The following TMEM131 variants were observed in gnomAD, a reference collection of about 807,000 sequenced individuals.
The protein encoded by TMEM131 is transmembrane protein 131, also known as 2610524E03Rik.
Under a neutral mutation model 211.6 loss-of-function variants are expected in TMEM131, and 66 were observed. That is an observed-to-expected ratio of 0.31 (90% CI 0.26 to 0.38). TMEM131 has a LOEUF of 0.38. Ranked by LOEUF, TMEM131 falls within the 10% of genes least tolerant of loss-of-function variation. The pLI, the probability that TMEM131 is intolerant of heterozygous loss-of-function variation, is 1.00. For missense variants in TMEM131, 2,036 were observed against 2,299.3 expected, an observed-to-expected ratio of 0.89 and a Z score of 2.34; for synonymous variants, 844 against 841.3, an observed-to-expected ratio of 1.00 and a Z score of -0.06.
chr2:97,849,717 C>CTTTTTTTTTTTTTT (rs11320615), intron 5 of TMEM131, among the ~76,000 whole-genome samples: 4 of 103,824 alleles, frequency 3.9e-5, no homozygotes, highest in Admixed American at 1.1e-4. Flanking sequence ...CTCTCTCTCT[C>CTTTTTTTTTTTTTT]TTTTTTTTTT....
chr2:97,841,249 C>T (rs1462825696), intron 7 of TMEM131, among the ~76,000 whole-genome samples: 1 of 152,156 alleles, frequency 6.6e-6, no homozygotes, highest in Non-Finnish European at 1.5e-5. Flanking sequence ...GCCACTTCCA[C>T]TGTGAAAGAG....
At chr2:97,943,757 T>C (rs1209546543) in intron 1 of TMEM131, among the ~76,000 whole-genome samples, 1 of 152,166 alleles carries the variant, frequency 6.6e-6, no homozygotes, top group East Asian at 1.9e-4. Context: ...CAAAGGTATA[T>C]TAATCAAGAC....
intron 31 of TMEM131, among the ~76,000 whole-genome samples, chr2:97,779,012 A>G (rs1324054177): frequency 6.6e-6 from 1 of 152,262 alleles, no homozygotes; most frequent in Non-Finnish European, 1.5e-5. Flanking sequence ...TTAACCAGAC[A>G]CACTTCAGAA....
chr2:97,799,388 G>GC (rs1158248737), intron 25 of TMEM131, among the ~76,000 whole-genome samples: 3 of 152,164 alleles, frequency 2.0e-5, no homozygotes, highest in Non-Finnish European at 4.4e-5. Context: ...CTACCATGTT[G>GC]TTTTGAAAAG....
intron 28 of TMEM131, 105 bp from the exon 29 acceptor site, chr2:97,795,220 C>A (rs1457418226): frequency 6.6e-6 from 5 of 758,336 alleles, no homozygotes; most frequent in Non-Finnish European, 9.9e-6. Context: ...ACAGAATTTG[C>A]GTTTGATACT....
chr2:97,850,637 C>T (rs556555078), intron 5 of TMEM131, among the ~76,000 whole-genome samples: 2 of 151,982 alleles, frequency 1.3e-5, no homozygotes, highest in South Asian at 4.2e-4. Flanking sequence ...ACATGTATCC[C>T]TGAACTTAAA....
At chr2:97,865,785 G>C (rs1674245231) in intron 4 of TMEM131, among the ~76,000 whole-genome samples, 1 of 152,172 alleles carries the variant, frequency 6.6e-6, no homozygotes. Flanking sequence ...TCTATTGTTT[G>C]GAAGAGTTTG....
At chr2:97,833,539 C>CAAT in intron 10 of TMEM131, 113 bp from the exon 11 acceptor site, 1 of 588,916 alleles carries the variant, frequency 1.7e-6, no homozygotes, top group South Asian at 1.9e-5. Context: ...AATACAATGA[C>CAAT]AATAAGATTA....
In TMEM131 at chr2:97,893,670, G is replaced by C. The variant is rs578020511; in HGVS notation, c.291-5550C>G. Among the ~76,000 whole-genome samples the C allele has an allele frequency of 5.9e-5, 9 of 152,054 alleles. No individual in the cohort carries two copies. The South Asian group carries it at 6.2e-4, about 11-fold the overall frequency. On this transcript the variant is annotated intron_variant, in intron 3 of 40. Transcript: ENST00000186436. Reference sequence around the variant, plus strand: ...ATGATGAGCTTTTTTAAATATGTTTGTTGGCCGCATAAATGTCTTCTTTTG... The same window carrying C: ...ATGATGAGCTTTTTTAAATATGTTTCTTGGCCGCATAAATGTCTTCTTTTG...
intron 5 of TMEM131, among the ~76,000 whole-genome samples, chr2:97,850,963 GT>G (rs2105141258): frequency 6.6e-6 from 1 of 151,054 alleles, no homozygotes; most frequent in South Asian, 2.1e-4. Context: ...ACCATGGAAT[GT>G]TTAATTTTTA....
chr2:97,815,265 G>A lies in TMEM131; in HGVS notation c.1226C>T (p.Thr409Ile). The change falls in exon 13 of 41, where the codon ACA becomes ATA. Residue 409 changes from threonine to isoleucine, a missense_variant. By Grantham distance (89) the Thr-to-Ile change is moderately conservative. This residue lies in a region of TMEM131 where 1,623 missense variants were observed against 1,805.9 expected (regional missense o/e 0.90). Coordinates refer to ENST00000186436, the MANE Select transcript of TMEM131 (RefSeq NM_015348.2). The stretch of plus-strand genomic sequence containing the variant: ...ATAACTCTTTTCCTTTGCTTTAACT[G>A]TTATTTTCCCAGAAAACTGAGATGG... Reference protein sequence around the residue: ...KKPSQFSGKITVKAKEKSYSK... With the variant: ...KKPSQFSGKIIVKAKEKSYSK... 1 of 1,573,598 alleles carries A rather than the reference G, an allele frequency of 6.4e-7. No individual in the cohort carries two copies. Among genetic ancestry groups the A allele is most frequent in the Non-Finnish European group, 8.6e-7 (1 of 1,168,830 alleles).
intron 7 of TMEM131, among the ~76,000 whole-genome samples, chr2:97,840,321 C>A (rs1683136640): frequency 6.6e-6 from 1 of 152,232 alleles, no homozygotes; most frequent in Non-Finnish European, 1.5e-5. Flanking sequence ...TCTGCTGAGT[C>A]CTGCAAGCTC....
chr2:97,944,733 TAGAC>T (rs1332416126), intron 1 of TMEM131, among the ~76,000 whole-genome samples: 3 of 152,132 alleles, frequency 2.0e-5, no homozygotes, highest in African/African-American at 4.8e-5. Flanking sequence ...AACCAGTCCT[TAGAC>T]AGATGTTAAT....
At chr2:97,901,047 T>C (rs1258407303) in intron 3 of TMEM131, among the ~76,000 whole-genome samples, 1 of 152,182 alleles carries the variant, frequency 6.6e-6, no homozygotes, top group Non-Finnish European at 1.5e-5. Context: ...GCTACACTTA[T>C]CTTTTGATTG....
At chr2:97,953,430 T>G (rs1308721448) in intron 1 of TMEM131, among the ~76,000 whole-genome samples, 1 of 152,164 alleles carries the variant, frequency 6.6e-6, no homozygotes, top group African/African-American at 2.4e-5. Flanking sequence ...GAAAGAAAAT[T>G]ACTAGAGACA....
At chr2:97,798,334 G>A (rs984241368) in intron 25 of TMEM131, among the ~76,000 whole-genome samples, 4 of 152,198 alleles carry the variant, frequency 2.6e-5, no homozygotes, top group African/African-American at 4.8e-5. Flanking sequence ...GGTTGTCAAC[G>A]CTTGGCTATA....
chr2:97,842,046 AATTAACAATCCCTTT>A (rs1683223710), intron 6 of TMEM131, 109 bp from the exon 7 acceptor site: 2 of 1,075,260 alleles, frequency 1.9e-6, no homozygotes, highest in Admixed American at 3.7e-5. Flanking sequence ...ATGTATAAAA[AATTAACAATCCCTTT>A]ATTTAAAAAA....
intron 11 of TMEM131, among the ~76,000 whole-genome samples, chr2:97,831,283 T>TA (rs1422417390): frequency 3.3e-5 from 5 of 152,226 alleles, no homozygotes; most frequent in Non-Finnish European, 7.3e-5. Flanking sequence ...ACACTTAGAA[T>TA]AAAATCTAAA....
intron 5 of TMEM131, among the ~76,000 whole-genome samples, chr2:97,853,160 G>C (rs1673694261): frequency 6.6e-6 from 1 of 152,204 alleles, no homozygotes; most frequent in African/African-American, 2.4e-5. Context: ...GGATCAAGGA[G>C]TAATTTCAAG....
Sources: gnomAD v4.1 joint callset for allele counts (sites outside exome capture counted in the v4.1 genomes callset) on GRCh38, gnomAD v4.1.1 for gene constraint, gnomAD v4.1.1 regional missense constraint, MANE v1.5 for transcripts, NCBI Gene and HGNC (gene_info 2026-07-23, HGNC 2026-07-21) for gene names.